The following LRBA variants were observed in gnomAD, a reference collection of about 807,000 sequenced individuals.
LRBA encodes LPS responsive beige-like anchor protein, also known as lipopolysaccharide-responsive and beige-like anchor protein.
LRBA carries 176 observed loss-of-function variants against 330.0 expected under a neutral mutation model. The observed-to-expected ratio is 0.53, with a 90% confidence interval of 0.47 to 0.60. LRBA has a LOEUF of 0.60. Among genes scored for constraint, LRBA ranks in the 20% least tolerant of loss-of-function variants. The probability of loss-of-function intolerance (pLI) is 0.00; values close to 1 mark genes in which losing one functional copy is unlikely to be tolerated. For synonymous variants in LRBA, 1,230 were observed against 1,193.0 expected, an observed-to-expected ratio of 1.03 and a Z score of -0.64; for missense variants, 3,259 against 3,444.8, an observed-to-expected ratio of 0.95 and a Z score of 1.35.
At chr4:150,302,062 C>CA (rs1729747597) in intron 53 of LRBA, among the ~76,000 whole-genome samples, 7 of 152,062 alleles carry the variant, frequency 4.6e-5, no homozygotes, top group Admixed American at 4.6e-4. Flanking sequence ...TAAATGGTTA[C>CA]ACATTTTTTG....
intron 2 of LRBA, among the ~76,000 whole-genome samples, chr4:150,983,792 A>G (rs1741128679): frequency 6.6e-6 from 1 of 152,098 alleles, no homozygotes; most frequent in African/African-American, 2.4e-5. Flanking sequence ...AAAAACTACA[A>G]TGGCTGATAA....
At chr4:150,827,815 T>C (rs1478624226) in intron 30 of LRBA, among the ~76,000 whole-genome samples, 1 of 152,092 alleles carries the variant, frequency 6.6e-6, no homozygotes, top group African/African-American at 2.4e-5. Context: ...TTGGTCAGGC[T>C]GGTCTCGAAC....
chr4:150,286,365 A>C (rs1370165187), intron 53 of LRBA, among the ~76,000 whole-genome samples: 1 of 152,212 alleles, frequency 6.6e-6, no homozygotes, highest in Non-Finnish European at 1.5e-5. Flanking sequence ...TTATAAAATT[A>C]GGAACTTTGG....
At chr4:150,497,442 T>C (rs542623461) in intron 40 of LRBA, among the ~76,000 whole-genome samples, 1 of 152,290 alleles carries the variant, frequency 6.6e-6, no homozygotes, top group Admixed American at 6.5e-5. Flanking sequence ...ACACTTAGAA[T>C]GTCCCCAAAC....
intron 40 of LRBA, among the ~76,000 whole-genome samples, chr4:150,553,682 T>C (rs1047960505): frequency 2.0e-5 from 3 of 152,026 alleles, no homozygotes; most frequent in African/African-American, 7.2e-5. Flanking sequence ...CACAGACAGA[T>C]GGGGGGTAGA....
chr4:150,686,471 A>C (rs951802925), intron 36 of LRBA, among the ~76,000 whole-genome samples: 16 of 152,236 alleles, frequency 1.1e-4, no homozygotes, highest in African/African-American at 3.9e-4. Flanking sequence ...AGTGAAGATA[A>C]CTAGGAAATT....
intron 40 of LRBA, among the ~76,000 whole-genome samples, chr4:150,512,717 G>GAAAAAAAA (rs370203536): frequency 9.9e-6 from 1 of 100,692 alleles, no homozygotes; most frequent in Non-Finnish European, 1.9e-5. Flanking sequence ...TGCTTTTTGA[G>GAAAAAAAA]AAAAAAAAAA....
At chr4:150,479,945 A>T (rs1757114252) in intron 42 of LRBA, among the ~76,000 whole-genome samples, 1 of 152,156 alleles carries the variant, frequency 6.6e-6, no homozygotes, top group Non-Finnish European at 1.5e-5. Flanking sequence ...TGTGCATTCT[A>T]TCGCAATTGC....
intron 37 of LRBA, among the ~76,000 whole-genome samples, chr4:150,653,113 C>G (rs1488284140): frequency 6.6e-6 from 1 of 152,060 alleles, no homozygotes; most frequent in Non-Finnish European, 1.5e-5. Context: ...GAGGACAAGG[C>G]AGGAGGATCG....
chr4:150,895,509 C>T (rs1038403550), intron 16 of LRBA, among the ~76,000 whole-genome samples: 11 of 152,140 alleles, frequency 7.2e-5, no homozygotes, highest in Non-Finnish European at 1.6e-4. Context: ...GTTCAATTCC[C>T]ACCTATGAGT....
intron 35 of LRBA, among the ~76,000 whole-genome samples, chr4:150,760,104 G>A (rs1255621624): frequency 6.6e-6 from 1 of 152,084 alleles, no homozygotes; most frequent in Admixed American, 6.6e-5. Context: ...GAACATTTGT[G>A]TATTTAATCG....
chr4:151,007,375 G>C (rs1454522965), intron 2 of LRBA, among the ~76,000 whole-genome samples: 1 of 151,918 alleles, frequency 6.6e-6, no homozygotes, highest in African/African-American at 2.4e-5. Flanking sequence ...CCTGGTGGCA[G>C]GCACCTATAG....
At position 150,847,637 on chromosome 4, in the gene LRBA, C is replaced by T. The variant is rs531645032; in HGVS notation, c.4339+1181G>A. 2.0e-5 allele frequency among the ~76,000 whole-genome samples: 3 copies of T among 152,248 alleles called. No individual in the cohort carries two copies. In the South Asian group the frequency reaches 6.2e-4, roughly 32 times the overall value. On this transcript the variant is annotated intron_variant, in intron 26 of 56. Transcript: ENST00000651943. ...GGTTTGCTTCCATTTCTTGTGCCTT[C>T]TCTCCTCACCACCTTCTCTTCACTT...
intron 40 of LRBA, among the ~76,000 whole-genome samples, chr4:150,495,294 C>G (rs2152110687): frequency 6.6e-6 from 1 of 151,950 alleles, no homozygotes; most frequent in South Asian, 2.1e-4. Flanking sequence ...GTTTTCAAAC[C>G]TGATATAAAT....
chr4:150,400,574 C>A lies in LRBA; in HGVS notation c.7194+14864G>T, dbSNP rs746980617. 1.3e-5 allele frequency among the ~76,000 whole-genome samples: 2 copies of A among 152,138 alleles called. 1 individual carries two copies. The highest frequency in any genetic ancestry group is 4.1e-4 in the South Asian group (2 of 4,824). ...GACGGTTTCAAAGAACATTTTGAGG[C>A]CAAGTGCAGTGGCTCATGCCTGTAA... On this transcript the variant is annotated intron_variant, in intron 47 of 56. Coordinates refer to ENST00000651943, the MANE Select transcript of LRBA (RefSeq NM_001364905.1).
rs184465936 is a variant in LRBA at position 150,430,746 on chromosome 4, T to C, written c.7041+4843A>G. Among the ~76,000 whole-genome samples, 23 of 152,030 alleles carry C rather than the reference T, an allele frequency of 1.5e-4. No individual in the cohort carries two copies. The East Asian group carries it at 4.4e-3, about 29-fold the overall frequency. ...ATATATTATTATATTAAATTCGGGG[T>C]TTCTAAAAAAGTATGGTTCTCCAAC... On this transcript the variant is annotated intron_variant, in intron 46 of 56. Transcript: ENST00000651943.
At chr4:150,281,210 T>C (rs1747470717) in intron 55 of LRBA, among the ~76,000 whole-genome samples, 1 of 152,194 alleles carries the variant, frequency 6.6e-6, no homozygotes, top group Non-Finnish European at 1.5e-5. Context: ...CACATTATTA[T>C]TGTAAAGAAA....
intron 37 of LRBA, among the ~76,000 whole-genome samples, chr4:150,677,876 A>G (rs1028026559): frequency 2.6e-5 from 4 of 152,060 alleles, no homozygotes; most frequent in African/African-American, 9.7e-5. Flanking sequence ...CCATATGTTC[A>G]GTATCAGGCC....
chr4:150,403,104 C>G (rs1745724307), intron 47 of LRBA, among the ~76,000 whole-genome samples: 1 of 152,186 alleles, frequency 6.6e-6, no homozygotes, highest in Non-Finnish European at 1.5e-5. Flanking sequence ...ATGAAAGCAT[C>G]CAGAGGCAGA....
Sources: allele counts gnomAD v4.1 joint callset (sites outside exome capture counted in the v4.1 genomes callset), GRCh38; gene constraint gnomAD v4.1.1; transcripts MANE v1.5; gene names NCBI Gene and HGNC (gene_info 2026-07-23, HGNC 2026-07-21).